UBA6: variants seen among roughly 807,000 people sequenced by gnomAD.
UBA6 encodes ubiquitin-like modifier-activating enzyme 6.
Under a neutral mutation model 148.3 loss-of-function variants are expected in UBA6, and 87 were observed. That is an observed-to-expected ratio of 0.59 (90% CI 0.49 to 0.70). UBA6 has a LOEUF of 0.70. Ranked by LOEUF, UBA6 falls within the 30% of genes least tolerant of loss-of-function variation. The pLI is 0.00. For missense variants in UBA6, 1,186 were observed against 1,241.2 expected, an observed-to-expected ratio of 0.96 and a Z score of 0.67; for synonymous variants, 376 against 401.0, an observed-to-expected ratio of 0.94 and a Z score of 0.75.
chr4:67,645,977 G>T lies in UBA6; in HGVS notation c.1356C>A (p.Asp452Glu). ...RYDALRACIG[D>E]TLCQKLQNLN... The stretch of plus-strand genomic sequence containing the variant: ...AATTTTGCAGTTTCTGACACAAAGT[G>T]TCTCCAATGCAAGCTCTTAAGGCAT... Residue 452 changes from aspartate to glutamate, a missense_variant, in exon 16 of 33, where the codon GAC becomes GAA. Physicochemically the swap from Asp to Glu is conservative, Grantham distance 45. Transcript: ENST00000322244. 6.3e-7 allele frequency: 1 copy of T among 1,599,440 alleles called. No individual in the cohort carries two copies. Among genetic ancestry groups the T allele is most frequent in the Non-Finnish European group, 8.5e-7 (1 of 1,171,852 alleles).
chr4:67,686,136 G>A (rs780324141), intron 2 of UBA6, among the ~76,000 whole-genome samples: 5 of 152,080 alleles, frequency 3.3e-5, no homozygotes, highest in Non-Finnish European at 5.9e-5. Flanking sequence ...AATCCCTATC[G>A]ATTAAAAATT....
intron 31 of UBA6, 73 bp from the exon 32 acceptor site, chr4:67,622,998 G>A (rs192412606): frequency 1.0e-5 from 14 of 1,377,684 alleles, no homozygotes; most frequent in Middle Eastern, 1.8e-4. Flanking sequence ...AACATTGTTC[G>A]TAAACAATGT....
intron 19 of UBA6, among the ~76,000 whole-genome samples, chr4:67,636,756 C>A (rs947444708): frequency 1.3e-5 from 2 of 152,238 alleles, no homozygotes; most frequent in East Asian, 3.9e-4. Context: ...CTCCACCCCC[C>A]AGCCGCCTGC....
At chr4:67,634,156 T>C (rs1729067791) in intron 22 of UBA6, 86 bp downstream of exon 22, 3 of 853,684 alleles carry the variant, frequency 3.5e-6, no homozygotes, top group Admixed American at 5.9e-5. Context: ...TTTATGGAGG[T>C]AAAATAAATC....
chr4:67,621,998 G>C (rs548070496), intron 32 of UBA6, among the ~76,000 whole-genome samples: 1 of 152,250 alleles, frequency 6.6e-6, no homozygotes, highest in African/African-American at 2.4e-5. Context: ...GTGAGACTTG[G>C]CCAGGTCACT....
chr4:67,627,268 T>C (rs1034907390), intron 27 of UBA6, among the ~76,000 whole-genome samples: 2 of 151,430 alleles, frequency 1.3e-5, no homozygotes, highest in Non-Finnish European at 3.0e-5. Context: ...TATTAAGGAG[T>C]CCAGGAAGGA....
intron 6 of UBA6, 84 bp from the exon 7 acceptor site, chr4:67,673,861 C>T (rs183143299): frequency 3.5e-5 from 33 of 955,544 alleles, no homozygotes; most frequent in African/African-American, 3.3e-4. Context: ...TGTCAGTTTG[C>T]GTTGTGCTAA....
At chr4:67,701,026 C>G in intron 1 of UBA6, 23 bp downstream of exon 1, 1 of 1,613,494 alleles carries the variant, frequency 6.2e-7, no homozygotes, top group South Asian at 1.1e-5. Context: ...GACCCCTCAC[C>G]TTCGCCCTTC....
At chr4:67,636,565 T>C (rs1372806139) in intron 19 of UBA6, among the ~76,000 whole-genome samples, 1 of 152,222 alleles carries the variant, frequency 6.6e-6, no homozygotes, top group Non-Finnish European at 1.5e-5. Context: ...CTGGTTTTCA[T>C]ATTTTTTTGG....
In UBA6 at chr4:67,633,487, G is replaced by GAAA; in HGVS notation, c.2014-17_2014-15dup. Reference sequence around the variant, plus strand: ...ACTCTGTATCTTCTAGAATGGGAGAGAAAAAAAAAATCAACATACTTCCAA... The same window carrying GAAA: ...ACTCTGTATCTTCTAGAATGGGAGAGAAAAAAAAAAAAATCAACATACTTCCAA... On this transcript the variant is annotated splice_polypyrimidine_tract_variant and intron_variant, in intron 22 of 32. Transcript: ENST00000322244. 1 of 1,487,006 alleles carries GAAA rather than the reference G, an allele frequency of 6.7e-7. No individual in the cohort carries two copies. The highest frequency in any genetic ancestry group is 2.4e-5 in the East Asian group (1 of 41,318). The allele number at this position is 1,487,006 out of a possible 1,614,324, so 92.1% of individuals were successfully genotyped here. A position where few individuals can be genotyped will look rare whatever the true frequency, so the allele number is the denominator to read the frequency against.
At chr4:67,634,576 G>C in intron 20 of UBA6, 58 bp from the exon 21 acceptor site, 1 of 1,264,658 alleles carries the variant, frequency 7.9e-7, no homozygotes, top group Non-Finnish European at 1.1e-6. Context: ...AATTTTTATT[G>C]ATTTAATCTA....
At chr4:67,648,744 C>G (rs1196199545) in intron 14 of UBA6, among the ~76,000 whole-genome samples, 1 of 152,002 alleles carries the variant, frequency 6.6e-6, no homozygotes, top group South Asian at 2.1e-4. Context: ...GGAACAAATT[C>G]AAGAGTCCTG....
intron 13 of UBA6, among the ~76,000 whole-genome samples, chr4:67,654,246 A>G (rs1369717382): frequency 2.0e-5 from 3 of 152,190 alleles, no homozygotes; most frequent in Non-Finnish European, 4.4e-5. Context: ...CAGATTCACC[A>G]AGGATAAAAT....
rs1323348990 is a variant in UBA6, at chr4:67,630,551, A to C, written c.2259-16T>G. On this transcript the variant is annotated splice_polypyrimidine_tract_variant and intron_variant, in intron 25 of 32. Transcript: ENST00000322244. ...ACTGAGGTGCCTTTTGAAATTAAAA[A>C]ATAAAGCAAAATTTGAATGTACAGT... 9 of 1,533,962 alleles carry C rather than the reference A, an allele frequency of 5.9e-6. No homozygotes were observed. The highest frequency in any genetic ancestry group is 7.9e-6 in the Non-Finnish European group (9 of 1,132,324).
chr4:67,687,475 T>C (rs931071162), intron 2 of UBA6, among the ~76,000 whole-genome samples: 3 of 152,208 alleles, frequency 2.0e-5, no homozygotes, highest in African/African-American at 7.2e-5. Flanking sequence ...CCAAAGGCCA[T>C]GTTAATTCTA....
chr4:67,618,049 A>AC lies in UBA6; in HGVS notation c.*947_*948insG, dbSNP rs1312444557. The AC allele has an allele frequency of 5.0e-4, 75 of 149,094 alleles. No individual in the cohort carries two copies. The highest frequency in any genetic ancestry group is 1.3e-3 in the African/African-American group (53 of 41,230). The allele number at this position is 149,094 out of a possible 1,614,324, so 9.2% of individuals were successfully genotyped here. On this transcript the variant is annotated 3_prime_UTR_variant, in exon 33 of 33. Transcript: ENST00000322244. ...CTTCTGTTTAAAAAAAAAAAACAAAAAAAACACAAAATTTAATACCCTAAT... is the reference window on the plus strand; with the variant it reads ...CTTCTGTTTAAAAAAAAAAAACAAAACAAAACACAAAATTTAATACCCTAAT...
chr4:67,647,104 C>G (rs966481717), intron 14 of UBA6, among the ~76,000 whole-genome samples: 36 of 152,080 alleles, frequency 2.4e-4, no homozygotes, highest in African/African-American at 8.4e-4. Flanking sequence ...CATAACTACA[C>G]AAAAGCTTTA....
chr4:67,638,882 G>T, intron 19 of UBA6, 61 bp downstream of exon 19: 1 of 1,264,474 alleles, frequency 7.9e-7, no homozygotes, highest in Non-Finnish European at 1.1e-6. Context: ...AATAAGTAAT[G>T]TGGGAAACAG....
At chr4:67,672,197 T>C (rs556364801) in intron 7 of UBA6, among the ~76,000 whole-genome samples, 19 of 152,326 alleles carry the variant, frequency 1.2e-4, no homozygotes, top group Admixed American at 2.0e-4. Flanking sequence ...TTTTGAATTA[T>C]TGAGGACCCA....
Sources: allele counts gnomAD v4.1 joint callset (sites outside exome capture counted in the v4.1 genomes callset), GRCh38; gene constraint gnomAD v4.1.1; transcripts MANE v1.5; gene names NCBI Gene and HGNC (gene_info 2026-07-23, HGNC 2026-07-21).